MTA3: variants seen among roughly 807,000 people sequenced by gnomAD.
The protein encoded by MTA3 is metastasis-associated protein MTA3.
Under a neutral mutation model 83.5 loss-of-function variants are expected in MTA3, and 34 were observed. That is an observed-to-expected ratio of 0.41 (90% CI 0.31 to 0.54). The LOEUF (loss-of-function observed/expected upper bound fraction) is 0.54, where lower values mean the gene tolerates loss of function less well. Ranked by LOEUF, MTA3 falls within the 20% of genes least tolerant of loss-of-function variation. The pLI is 0.33. For missense variants in MTA3, 761 were observed against 726.4 expected (o/e 1.05, Z -0.55); for synonymous variants, 303 against 252.7 (o/e 1.20, Z -1.89).
At chr2:42,559,198 G>A (rs1667055367) in intron 2 of MTA3, among the ~76,000 whole-genome samples, 1 of 152,164 alleles carries the variant, frequency 6.6e-6, no homozygotes, top group African/African-American at 2.4e-5. Flanking sequence ...AAGCACCTGG[G>A]AGTCCCAACA....
At chr2:42,542,837 G>A (rs925703850) in intron 2 of MTA3, among the ~76,000 whole-genome samples, 1 of 151,936 alleles carries the variant, frequency 6.6e-6, no homozygotes, top group East Asian at 1.9e-4. Flanking sequence ...GATTACAGGC[G>A]TGACCCACTG....
intron 2 of MTA3, among the ~76,000 whole-genome samples, chr2:42,549,739 A>G (rs1398297294): frequency 1.4e-5 from 2 of 138,102 alleles, no homozygotes; most frequent in South Asian, 2.1e-4. Context: ...ATATATGTAT[A>G]TAATGGAAAA....
chr2:42,576,940 A>T (rs1010208977), intron 2 of MTA3, among the ~76,000 whole-genome samples: 1 of 149,398 alleles, frequency 6.7e-6, no homozygotes, highest in Non-Finnish European at 1.5e-5. Context: ...CTAAACTGAA[A>T]ATACTTACTT....
At chr2:42,724,616 C>T (rs970129967) in intron 16 of MTA3, among the ~76,000 whole-genome samples, 2 of 138,182 alleles carry the variant, frequency 1.4e-5, no homozygotes, top group East Asian at 2.2e-4. Flanking sequence ...TGCACTCCAG[C>T]GAGGATGACA....
intron 16 of MTA3, among the ~76,000 whole-genome samples, chr2:42,748,358 C>G (rs575847889): frequency 6.6e-6 from 1 of 152,258 alleles, no homozygotes; most frequent in African/African-American, 2.4e-5. Context: ...GCCACTGTGC[C>G]CGGCCTATTT....
intron 2 of MTA3, among the ~76,000 whole-genome samples, chr2:42,574,428 C>T (rs1324292055): frequency 1.3e-5 from 2 of 148,360 alleles, no homozygotes; most frequent in Non-Finnish European, 3.0e-5. Context: ...GCCCGGCCTC[C>T]TTTTCTCAAA....
chr2:42,614,650 T>TATA (rs1269079405), intron 4 of MTA3, among the ~76,000 whole-genome samples: 3,500 of 152,158 alleles, frequency 0.023, 127 homozygotes, highest in African/African-American at 0.08. Flanking sequence ...TATATATAAC[T>TATA]CGTGTAATAT....
At chr2:42,567,290 A>C (rs1677958369), upstream of MTA3, among the ~76,000 whole-genome samples, 2 of 152,244 alleles carry the variant, frequency 1.3e-5, no homozygotes, top group Non-Finnish European at 2.9e-5. Flanking sequence ...GAAACAGGTC[A>C]TAGAGTCAAT....
chr2:42,686,652 C>T (rs925935890), intron 9 of MTA3, among the ~76,000 whole-genome samples: 1 of 152,084 alleles, frequency 6.6e-6, no homozygotes, highest in African/African-American at 2.4e-5. Flanking sequence ...TGGTGAAACC[C>T]TGTGTCTACT....
rs770325715 is a variant in MTA3 at position 42,667,570 on chromosome 2, T to TTATGTGTGTGTG, written c.702+7709_702+7710insATGTGTGTGTGT. On this transcript the variant is annotated intron_variant, in intron 8 of 16. Coordinates refer to ENST00000405094, the MANE Select transcript of MTA3 (RefSeq NM_001330442.2). ...TGTCAGAATTTCCATCATTTAAAAA[T>TTATGTGTGTGTG]TGTGTGTGTGTGTGTGTGTGTGTGT... Among the ~76,000 whole-genome samples the TTATGTGTGTGTG allele has an allele frequency of 8.3e-4, 121 of 145,114 alleles. 4 individuals are homozygous for TTATGTGTGTGTG. Among genetic ancestry groups the TTATGTGTGTGTG allele is most frequent in the African/African-American group, 2.9e-3 (115 of 39,288 alleles).
At chr2:42,726,883 C>A (rs886878300) in intron 16 of MTA3, among the ~76,000 whole-genome samples, 1 of 152,098 alleles carries the variant, frequency 6.6e-6, no homozygotes, top group Non-Finnish European at 1.5e-5. Flanking sequence ...AATCTAAACT[C>A]CAAAGGTGAA....
chr2:42,648,591 AAT>A (rs1349282310), intron 6 of MTA3, among the ~76,000 whole-genome samples: 3 of 152,172 alleles, frequency 2.0e-5, no homozygotes, highest in Non-Finnish European at 4.4e-5. Flanking sequence ...TCGATTTTTA[AAT>A]TCATTTATGG....
intron 2 of MTA3, among the ~76,000 whole-genome samples, chr2:42,519,717 A>G (rs969625810): frequency 1.8e-4 from 27 of 152,256 alleles, no homozygotes; most frequent in African/African-American, 6.5e-4. Context: ...CCTGGGCAAC[A>G]TAACGATACC....
chr2:42,708,849 T>C, intron 13 of MTA3, 25 bp from the exon 14 acceptor site: 2 of 1,612,380 alleles, frequency 1.2e-6, no homozygotes, highest in Non-Finnish European at 1.7e-6. Flanking sequence ...CTTCCTTGAG[T>C]GTTTGTTGTT....
chr2:42,651,516 A>T (rs568378197), intron 6 of MTA3, among the ~76,000 whole-genome samples: 2 of 152,300 alleles, frequency 1.3e-5, no homozygotes, highest in Admixed American at 1.3e-4. Context: ...GGTGCTGGGC[A>T]TGGTGGCTCA....
intron 5 of MTA3, among the ~76,000 whole-genome samples, chr2:42,642,966 T>A (rs1178129147): frequency 6.6e-6 from 1 of 152,044 alleles, no homozygotes; most frequent in Non-Finnish European, 1.5e-5. Context: ...TTTTATCTAT[T>A]CCTGCAGATT....
chr2:42,719,448 C>G (rs940776384), intron 15 of MTA3, among the ~76,000 whole-genome samples: 1 of 152,194 alleles, frequency 6.6e-6, no homozygotes, highest in African/African-American at 2.4e-5. Flanking sequence ...CTCACCTCAC[C>G]TCTTTTTAAA....
At chr2:42,710,549 C>CAAAA (rs765315082) in intron 14 of MTA3, among the ~76,000 whole-genome samples, 1,907 of 56,234 alleles carry the variant, frequency 0.034, no homozygotes, top group Non-Finnish European at 0.04. Flanking sequence ...AACTTCATCT[C>CAAAA]AAAAAAAAAA....
chr2:42,680,558 T>C (rs1416696106), intron 8 of MTA3, among the ~76,000 whole-genome samples: 1 of 152,202 alleles, frequency 6.6e-6, no homozygotes, highest in African/African-American at 2.4e-5. Flanking sequence ...TAGTTCTCAC[T>C]TGGGCAAGAA....
Sources: allele counts gnomAD v4.1 joint callset (sites outside exome capture counted in the v4.1 genomes callset), GRCh38; gene constraint gnomAD v4.1.1; transcripts MANE v1.5; gene names NCBI Gene and HGNC (gene_info 2026-07-23, HGNC 2026-07-21).